Variants in EPHA3 observed in about 807,000 individuals in gnomAD.
The protein encoded by EPHA3 is ephrin type-A receptor 3.
A neutral mutation model predicts 107.1 loss-of-function variants in EPHA3; 42 were observed. That is an observed-to-expected ratio of 0.39 (90% CI 0.31 to 0.51). EPHA3 has a LOEUF of 0.51. EPHA3 is among the 20% of genes least tolerant of loss of function. The pLI is 0.78. For missense variants in EPHA3, 1,183 were observed against 1,211.2 expected, an observed-to-expected ratio of 0.98 and a Z score of 0.35; for synonymous variants, 461 against 424.8, an observed-to-expected ratio of 1.09 and a Z score of -1.05.
chr3:89,358,723 A>C (rs1201003134), intron 5 of EPHA3, among the ~76,000 whole-genome samples: 1 of 151,146 alleles, frequency 6.6e-6, no homozygotes, highest in Non-Finnish European at 1.5e-5. Context: ...TCTTTTTTTC[A>C]TTACTAAAGC....
At chr3:89,413,027 T>G in intron 9 of EPHA3, 114 bp from the exon 10 acceptor site, 2 of 1,379,044 alleles carry the variant, frequency 1.5e-6, no homozygotes, top group South Asian at 1.3e-5. Flanking sequence ...AAACTGAAGG[T>G]TGTGCACCTT....
chr3:89,158,547 G>A (rs1486797229), intron 2 of EPHA3, among the ~76,000 whole-genome samples: 1 of 152,076 alleles, frequency 6.6e-6, no homozygotes, highest in Non-Finnish European at 1.5e-5. Context: ...TGTTAAGCAA[G>A]ATAAAATAAA....
chr3:89,185,364 G>A (rs1194653428), intron 2 of EPHA3, among the ~76,000 whole-genome samples: 1 of 151,982 alleles, frequency 6.6e-6, no homozygotes, highest in Non-Finnish European at 1.5e-5. Context: ...TGTTGGGGCT[G>A]AATTAAGCAT....
intron 9 of EPHA3, 25 bp downstream of exon 9, chr3:89,408,156 G>C: frequency 6.2e-7 from 1 of 1,609,154 alleles, no homozygotes; most frequent in Non-Finnish European, 8.5e-7. Flanking sequence ...TTGGCTTTTT[G>C]TTTTGCTTCA....
intron 1 of EPHA3, among the ~76,000 whole-genome samples, chr3:89,114,738 G>A (rs1707213743): frequency 1.3e-5 from 2 of 152,216 alleles, no homozygotes; most frequent in Admixed American, 1.3e-4. Context: ...CGAGCGCCAG[G>A]AGGAGACTGG....
chr3:89,175,251 T>A (rs908553206), intron 2 of EPHA3, among the ~76,000 whole-genome samples: 3 of 152,086 alleles, frequency 2.0e-5, no homozygotes, highest in African/African-American at 7.2e-5. Context: ...TACAGTGTGG[T>A]AAAACCGAGT....
chr3:89,286,940 A>G (rs1706100647), intron 3 of EPHA3, among the ~76,000 whole-genome samples: 1 of 152,096 alleles, frequency 6.6e-6, no homozygotes, highest in Admixed American at 6.6e-5. Flanking sequence ...TTTCTACCTG[A>G]AAATACCTTA....
Position 89,342,586 on chromosome 3 carries a change from T to C in EPHA3, c.1306+496T>C, listed in dbSNP as rs188187911. Among the ~76,000 whole-genome samples, 804 of 152,280 alleles carry C rather than the reference T, an allele frequency of 5.3e-3. 6 individuals are homozygous for C. The highest frequency in any genetic ancestry group is 0.016 in the African/African-American group (666 of 41,564). ...TAACTATGTAGATTACTTATGGATT[T>C]TACTTGTGGGATTTTAATTGTGAAT... On this transcript the variant is annotated intron_variant, in intron 5 of 16. Coordinates refer to ENST00000336596, the MANE Select transcript of EPHA3 (RefSeq NM_005233.6).
intron 3 of EPHA3, among the ~76,000 whole-genome samples, chr3:89,253,037 C>T (rs376226196): frequency 1.1e-3 from 163 of 151,886 alleles, no homozygotes; most frequent in African/African-American, 3.6e-3. Flanking sequence ...TTAGTTATTC[C>T]GAGCAATAGA....
intron 15 of EPHA3, among the ~76,000 whole-genome samples, chr3:89,455,107 G>A (rs1710070585): frequency 6.6e-6 from 1 of 152,124 alleles, no homozygotes; most frequent in Non-Finnish European, 1.5e-5. Flanking sequence ...ATAATACAAT[G>A]AGATGACTAT....
intron 3 of EPHA3, among the ~76,000 whole-genome samples, chr3:89,244,718 C>T (rs559596885): frequency 6.6e-6 from 1 of 152,168 alleles, no homozygotes; most frequent in African/African-American, 2.4e-5. Context: ...CCAGTAATAG[C>T]GATGTGGATA....
intron 11 of EPHA3, among the ~76,000 whole-genome samples, chr3:89,424,464 A>G (rs1709417461): frequency 6.6e-6 from 1 of 151,372 alleles, no homozygotes; most frequent in Non-Finnish European, 1.5e-5. Context: ...TCTTTTCGAG[A>G]GAAAACAAAA....
At chr3:89,191,288 TTA>T (rs1275917387) in intron 2 of EPHA3, among the ~76,000 whole-genome samples, 1 of 148,618 alleles carries the variant, frequency 6.7e-6, no homozygotes, top group Non-Finnish European at 1.5e-5. Context: ...ATTTTTATTT[TTA>T]TTTTTTTAAT....
At position 89,124,480 on chromosome 3, in the gene EPHA3, G is replaced by A. The variant is rs143992569; in HGVS notation, c.89-2729G>A. On this transcript the variant is annotated intron_variant, in intron 1 of 16. Coordinates refer to ENST00000336596, the MANE Select transcript of EPHA3 (RefSeq NM_005233.6). ...CTTAGACGGTGTTATTTTTATTTGGGTACAAACAAAAGGCACTTTATAAAT... is the reference window on the plus strand; with the variant it reads ...CTTAGACGGTGTTATTTTTATTTGGATACAAACAAAAGGCACTTTATAAAT... Among the ~76,000 whole-genome samples, 917 of 152,032 alleles carry A rather than the reference G, an allele frequency of 6.0e-3. 8 individuals carry two copies. Among genetic ancestry groups the A allele is most frequent in the African/African-American group, 0.019 (775 of 41,492 alleles).
chr3:89,448,650 A>G (rs1158436427), intron 13 of EPHA3, among the ~76,000 whole-genome samples: 1 of 152,188 alleles, frequency 6.6e-6, no homozygotes, highest in Non-Finnish European at 1.5e-5. Context: ...TTCAATGACT[A>G]ATGATGAAGC....
intron 2 of EPHA3, among the ~76,000 whole-genome samples, chr3:89,128,546 T>C (rs926337216): frequency 1.3e-5 from 2 of 151,962 alleles, no homozygotes; most frequent in Admixed American, 1.3e-4. Context: ...AAATTTAAAT[T>C]TTTCATGACT....
chr3:89,201,102 A>T (rs1334228178), intron 2 of EPHA3, among the ~76,000 whole-genome samples: 2 of 152,190 alleles, frequency 1.3e-5, no homozygotes, highest in Non-Finnish European at 2.9e-5. Context: ...AGCATGGCTG[A>T]GGAGGCCTCA....
intron 2 of EPHA3, among the ~76,000 whole-genome samples, chr3:89,193,415 A>T (rs1401448912): frequency 6.6e-6 from 1 of 152,054 alleles, no homozygotes; most frequent in Admixed American, 6.6e-5. Context: ...TCAATTTGTG[A>T]TTAGAAAGAT....
intron 3 of EPHA3, among the ~76,000 whole-genome samples, chr3:89,317,673 A>G (rs1279458365): frequency 6.6e-6 from 1 of 151,786 alleles, no homozygotes; most frequent in African/African-American, 2.4e-5. Flanking sequence ...CCTGCCCCAA[A>G]TGTACACATT....
Sources: gnomAD v4.1 joint callset for allele counts (sites outside exome capture counted in the v4.1 genomes callset) on GRCh38, gnomAD v4.1.1 for gene constraint, MANE v1.5 for transcripts, NCBI Gene and HGNC (gene_info 2026-07-23, HGNC 2026-07-21) for gene names.